Variants in TRIM16 observed in about 807,000 individuals in gnomAD.
TRIM16 encodes the protein tripartite motif containing 16.
In TRIM16, 33 loss-of-function variants were observed where a neutral mutation model predicts 50.4. That is an observed-to-expected ratio of 0.65 (90% CI 0.50 to 0.88). TRIM16 has a LOEUF of 0.88. Ranked by LOEUF, TRIM16 falls within the 40% of genes least tolerant of loss-of-function variation. The pLI, the probability that TRIM16 is intolerant of heterozygous loss-of-function variation, is 0.00. For synonymous variants in TRIM16, 229 were observed against 270.7 expected (o/e 0.85, Z 1.51); for missense variants, 581 against 686.8 (o/e 0.85, Z 1.72).
rs1312037514 is a variant in TRIM16 at position 15,628,923 on chromosome 17, T to C, written c.1387A>G (p.Asn463Asp). 1.2e-6 allele frequency: 2 copies of C among 1,614,116 alleles called. No homozygotes were observed. The highest frequency in any genetic ancestry group is 4.5e-5 in the East Asian group (2 of 44,900). ...GEERNSCISG[N>D]NFSWSLQWNG... ...CATTGGAGGCTCCAGGAGAAGTTGT[T>C]TCCGGAAATGCAACTGTTGCGCTCC... is the stretch of plus-strand genomic sequence containing the variant. The change falls in exon 12 of 12, where the codon AAC becomes GAC. Residue 463 changes from asparagine to aspartate, a missense_variant. By Grantham distance (23) the Asn-to-Asp change is conservative. Coordinates refer to ENST00000649191, the MANE Select transcript of TRIM16 (RefSeq NM_001348119.1).
intron 6 of TRIM16, chr17:15,675,717 G>A (rs1231658761): frequency 5.4e-6 from 1 of 185,110 alleles, no homozygotes; most frequent in East Asian, 1.5e-4. Flanking sequence ...ATCCACACTG[G>A]AGAGAAGCCC....
intron 6 of TRIM16, among the ~76,000 whole-genome samples, chr17:15,674,376 A>G (rs537036140): frequency 5.3e-5 from 8 of 152,260 alleles, no homozygotes; most frequent in African/African-American, 1.9e-4. Context: ...CTCAAAAAAA[A>G]AAAAGACACA....
rs202029621 is a variant in TRIM16 at position 15,628,679 on chromosome 17, C to T, written c.1631G>A (p.Arg544Gln). ...FWLSKKENAI[R>Q]IVDLGEEPEK... is the part of the protein sequence containing the mutation. ...GGGTTCCTCTCCCAGATCTACAATC[C>T]GGATGGCGTTTTCCTTCTTGGAAAG... Residue 544 changes from arginine to glutamine, a missense_variant, in exon 12 of 12, where the codon CGG becomes CAG. Transcript: ENST00000649191. The T allele has an allele frequency of 5.0e-5, 80 of 1,614,110 alleles. No homozygotes were observed. Among genetic ancestry groups the T allele is most frequent in the East Asian group, 4.0e-4 (18 of 44,864 alleles).
At chr17:15,633,324 G>T (rs1986527074) in intron 9 of TRIM16, among the ~76,000 whole-genome samples, 1 of 150,794 alleles carries the variant, frequency 6.6e-6, no homozygotes. Flanking sequence ...GTATGAAAAT[G>T]ATTAGATAGA....
At chr17:15,663,086 G>C (rs1291918661) in intron 6 of TRIM16, among the ~76,000 whole-genome samples, 4 of 152,120 alleles carry the variant, frequency 2.6e-5, no homozygotes, top group Non-Finnish European at 5.9e-5. Context: ...CTCCCCAAGA[G>C]AGGAGGACAA....
intron 6 of TRIM16, among the ~76,000 whole-genome samples, chr17:15,674,141 A>G (rs1353898917): frequency 1.3e-5 from 2 of 152,088 alleles, no homozygotes; most frequent in African/African-American, 2.4e-5. Flanking sequence ...GGAGGCTGAG[A>G]CGGGCGGATC....
rs370116951 is a variant in TRIM16 at position 15,628,761 on chromosome 17, T to C, written c.1549A>G (p.Thr517Ala). ...TTGCAGGCAAACTTGTGAACCAGAG[T>C]CATGGTATCATACTCTACGCCATAG... ...SFYGVEYDTMTLVHKFACKFS... is the reference protein window; with the variant it reads ...SFYGVEYDTMALVHKFACKFS... The change falls in exon 12 of 12, where the codon ACT (threonine) becomes GCT (alanine). Residue 517 changes from threonine (T) to alanine (A), a missense_variant. Around this residue, in one of 3 missense-constraint regions of TRIM16, gnomAD observed 115 missense variants for 106.7 expected, o/e 1.08. Coordinates refer to ENST00000649191, the MANE Select transcript of TRIM16 (RefSeq NM_001348119.1). 7.4e-5 allele frequency: 120 copies of C among 1,613,850 alleles called. No individual in the cohort carries two copies. The highest frequency in any genetic ancestry group is 9.2e-5 in the Non-Finnish European group (108 of 1,179,990).
At position 15,668,677 on chromosome 17, in the gene TRIM16, A is replaced by G. The variant is rs181136975; in HGVS notation, c.-338+8499T>C. Among the ~76,000 whole-genome samples the G allele has an allele frequency of 5.4e-3, 815 of 152,236 alleles. 14 individuals are homozygous for G. The highest frequency in any genetic ancestry group is 0.039 in the Admixed American group (602 of 15,284). On this transcript the variant is annotated intron_variant, in intron 6 of 11. Coordinates refer to ENST00000649191, the MANE Select transcript of TRIM16 (RefSeq NM_001348119.1). ...TGCACATGAAAACACACCACCAAAC[A>G]TTCTTCCCATCCTTCTTCACCAACC...
intron 6 of TRIM16, among the ~76,000 whole-genome samples, chr17:15,656,396 C>T (rs1001234647): frequency 6.6e-6 from 1 of 152,192 alleles, no homozygotes; most frequent in Non-Finnish European, 1.5e-5. Flanking sequence ...CTGCTTTGCT[C>T]CTTGTCTTAA....
chr17:15,659,492 G>A (rs184025404), intron 6 of TRIM16, among the ~76,000 whole-genome samples: 18 of 152,274 alleles, frequency 1.2e-4, no homozygotes, highest in African/African-American at 2.4e-4. Context: ...ACACAAGGGC[G>A]TGACATTTTA....
chr17:15,674,153 T>C (rs1368846714), intron 6 of TRIM16, among the ~76,000 whole-genome samples: 1 of 152,048 alleles, frequency 6.6e-6, no homozygotes, highest in Non-Finnish European at 1.5e-5. Flanking sequence ...GGGCGGATCA[T>C]GAGGTCAAGA....
rs1567666634 is a variant in TRIM16 at position 15,628,922 on chromosome 17, T to C, written c.1388A>G (p.Asn463Ser). ...CCATTGGAGGCTCCAGGAGAAGTTG[T>C]TTCCGGAAATGCAACTGTTGCGCTC... Reference protein sequence around the residue: ...GEERNSCISGNNFSWSLQWNG... With the variant: ...GEERNSCISGSNFSWSLQWNG... Residue 463 changes from asparagine to serine, a missense_variant, in exon 12 of 12, where the codon AAC becomes AGC. By Grantham distance (46) the Asn-to-Ser change is conservative (BLOSUM62 1). Around this residue, in one of 3 missense-constraint regions of TRIM16, gnomAD observed 115 missense variants for 106.7 expected, o/e 1.08. Transcript: ENST00000649191. The C allele has an allele frequency of 2.5e-6, 4 of 1,614,216 alleles. No homozygotes were observed. Among genetic ancestry groups the C allele is most frequent in the Non-Finnish European group, 3.4e-6 (4 of 1,180,048 alleles).
At chr17:15,638,257 T>TAAAA (rs1986941005) in intron 8 of TRIM16, among the ~76,000 whole-genome samples, 2 of 117,614 alleles carry the variant, frequency 1.7e-5, no homozygotes, top group African/African-American at 9.5e-5. Context: ...AAAAATAAAT[T>TAAAA]TAAAAAAAAA....
rs529032974 is a variant in TRIM16, at chr17:15,634,396, G to A, written c.849+1640C>T. ...TGTAATCGCAACACTTTGGGAGGCC[G>A]AGGCGGGCAGATCACCTAAGGTTGG... On this transcript the variant is annotated intron_variant, in intron 9 of 11. Coordinates refer to ENST00000649191, the MANE Select transcript of TRIM16 (RefSeq NM_001348119.1). Among the ~76,000 whole-genome samples, 195 of 148,118 alleles carry A rather than the reference G, an allele frequency of 1.3e-3. 17 individuals are homozygous for A. The highest frequency in any genetic ancestry group is 4.3e-3 in the African/African-American group (174 of 40,052).
At chr17:15,636,531 C>T (rs2323794) in intron 8 of TRIM16, among the ~76,000 whole-genome samples, 6 of 148,284 alleles carry the variant, frequency 4.0e-5, no homozygotes, top group African/African-American at 7.5e-5. Flanking sequence ...TCTGACACTC[C>T]GGGATTGTTA....
chr17:15,658,677 G>A (rs1988082209), intron 6 of TRIM16: 1 of 282,184 alleles, frequency 3.5e-6, no homozygotes, highest in Non-Finnish European at 5.3e-6. Context: ...CCGGAAGAGT[G>A]ACATCTAAGT....
At chr17:15,659,716 G>A (rs1187708511) in intron 6 of TRIM16, among the ~76,000 whole-genome samples, 1 of 152,204 alleles carries the variant, frequency 6.6e-6, no homozygotes, top group African/African-American at 2.4e-5. Context: ...CCTGGGACAG[G>A]AGATGGTTTC....
chr17:15,642,277 A>T (rs115541272), intron 8 of TRIM16, among the ~76,000 whole-genome samples: 9,242 of 148,788 alleles, frequency 0.062, 1,313 homozygotes, highest in African/African-American at 0.2. Flanking sequence ...CTCAAATACC[A>T]TCAGTAATCC....
intron 6 of TRIM16, among the ~76,000 whole-genome samples, chr17:15,655,544 C>G (rs1272508149): frequency 5.9e-5 from 9 of 152,078 alleles, no homozygotes; most frequent in Non-Finnish European, 7.4e-5. Context: ...GAATGTGGGC[C>G]CTAGCCTGGC....
Sources: allele counts gnomAD v4.1 joint callset (sites outside exome capture counted in the v4.1 genomes callset), GRCh38; gene constraint gnomAD v4.1.1; regional missense constraint gnomAD v4.1.1; transcripts MANE v1.5; gene names NCBI Gene and HGNC (gene_info 2026-07-23, HGNC 2026-07-21).